Variants in HTR7 observed in about 807,000 individuals in gnomAD.
HTR7 encodes 5-HT-7.
Under a neutral mutation model 34.0 loss-of-function variants are expected in HTR7, and 16 were observed. The ratio of observed to expected loss-of-function variants is 0.47; its 90% CI spans 0.32 to 0.71. HTR7 has a LOEUF of 0.71. Among genes scored for constraint, HTR7 ranks in the 30% least tolerant of loss-of-function variants. The probability of loss-of-function intolerance (pLI) is 0.04; values close to 1 mark genes in which losing one functional copy is unlikely to be tolerated. For missense variants in HTR7, 504 were observed against 625.5 expected (o/e 0.81, Z 2.07); for synonymous variants, 265 against 260.2 (o/e 1.02, Z -0.18).
intron 1 of HTR7, among the ~76,000 whole-genome samples, chr10:90,752,415 C>T (rs1002484414): frequency 4.0e-5 from 6 of 151,818 alleles, no homozygotes; most frequent in South Asian, 4.2e-4. Context: ...TACTTAAATC[C>T]ATGGGGGAAA....
intron 1 of HTR7, among the ~76,000 whole-genome samples, chr10:90,791,919 C>G (rs1044319531): frequency 2.6e-5 from 4 of 152,080 alleles, no homozygotes; most frequent in African/African-American, 9.7e-5. Context: ...ATCTCCAAAT[C>G]TGTTTTCAGT....
intron 1 of HTR7, among the ~76,000 whole-genome samples, chr10:90,754,185 C>T (rs1261798895): frequency 6.6e-6 from 1 of 152,060 alleles, no homozygotes; most frequent in South Asian, 2.1e-4. Context: ...ATAATTAAAT[C>T]TTACATTGTT....
At chr10:90,850,971 T>G (rs1365931819) in intron 1 of HTR7, among the ~76,000 whole-genome samples, 3 of 152,210 alleles carry the variant, frequency 2.0e-5, no homozygotes, top group African/African-American at 4.8e-5. Context: ...TTTGACGAGA[T>G]AACAGCAAAC....
intron 1 of HTR7, among the ~76,000 whole-genome samples, chr10:90,810,210 C>G (rs1017908870): frequency 1.3e-5 from 2 of 152,170 alleles, no homozygotes; most frequent in Admixed American, 6.5e-5. Context: ...ACTAAATTAT[C>G]TGCTTCCCTG....
intron 2 of HTR7, among the ~76,000 whole-genome samples, chr10:90,746,111 C>A (rs1844629422): frequency 6.6e-6 from 1 of 152,164 alleles, no homozygotes; most frequent in East Asian, 1.9e-4. Flanking sequence ...TGGGGGAAAT[C>A]ATTTGACTTC....
At chr10:90,757,908 T>C (rs940541092) in intron 1 of HTR7, among the ~76,000 whole-genome samples, 5 of 152,172 alleles carry the variant, frequency 3.3e-5, no homozygotes, top group Non-Finnish European at 1.5e-5. Context: ...AATAAATATA[T>C]GTGATCACTG....
intron 1 of HTR7, among the ~76,000 whole-genome samples, chr10:90,804,816 A>G (rs1845679384): frequency 6.6e-6 from 1 of 151,512 alleles, no homozygotes; most frequent in Admixed American, 6.6e-5. Context: ...TTATTTATTT[A>G]TTTTTTCTGA....
rs1331753779 is a variant in HTR7, at chr10:90,857,928, G to A, written c.-257C>T. ...TCGGCCCCCGACGGACGCCTGGGACGCGCGGAGTCGAGGGAGCTCGGGCTG... is the reference window on the plus strand; with the variant it reads ...TCGGCCCCCGACGGACGCCTGGGACACGCGGAGTCGAGGGAGCTCGGGCTG... On this transcript the variant is annotated 5_prime_UTR_variant, in exon 1 of 4. Coordinates refer to ENST00000336152, the MANE Select transcript of HTR7 (RefSeq NM_019859.4). The surrounding 1 kb of genome is among the most constrained non-coding windows in gnomAD (Gnocchi z 6.5). 2.0e-5 allele frequency among the ~76,000 whole-genome samples: 3 copies of A among 151,274 alleles called. No homozygotes were observed. The highest frequency in any genetic ancestry group is 4.8e-5 in the African/African-American group (2 of 41,356).
At chr10:90,820,064 A>C (rs1029358400) in intron 1 of HTR7, among the ~76,000 whole-genome samples, 6 of 152,144 alleles carry the variant, frequency 3.9e-5, no homozygotes, top group Non-Finnish European at 5.9e-5. Context: ...AAAGAAAGAA[A>C]TTCTTGCACA....
chr10:90,769,338 C>A (rs1034226957), intron 1 of HTR7, among the ~76,000 whole-genome samples: 9 of 152,196 alleles, frequency 5.9e-5, no homozygotes, highest in African/African-American at 2.2e-4. Flanking sequence ...ATTAAATTTA[C>A]TCTATACTCT....
intron 1 of HTR7, among the ~76,000 whole-genome samples, chr10:90,838,964 T>G (rs1259751859): frequency 6.6e-6 from 1 of 152,218 alleles, no homozygotes; most frequent in Non-Finnish European, 1.5e-5. Context: ...GAATATAAGA[T>G]CCTAGAGAGC....
intron 1 of HTR7, among the ~76,000 whole-genome samples, chr10:90,798,914 A>C (rs1314555492): frequency 6.6e-6 from 1 of 152,168 alleles, no homozygotes; most frequent in Admixed American, 6.5e-5. Context: ...CGAGAACTAG[A>C]CCGCCTTTGT....
chr10:90,810,971 A>C (rs1198363445), intron 1 of HTR7, among the ~76,000 whole-genome samples: 2 of 152,192 alleles, frequency 1.3e-5, no homozygotes, highest in Non-Finnish European at 1.5e-5. Context: ...GACTTTAGAT[A>C]CCTGGTTTTG....
chr10:90,748,836 T>C lies in HTR7; in HGVS notation c.1295+3A>G. The C allele has an allele frequency of 1.9e-6, 3 of 1,608,558 alleles. No individual in the cohort carries two copies. The highest frequency in any genetic ancestry group is 2.5e-6 in the Non-Finnish European group (3 of 1,177,736). On this transcript the variant is annotated splice_donor_region_variant and intron_variant, in intron 2 of 3. Coordinates refer to ENST00000336152, the MANE Select transcript of HTR7 (RefSeq NM_019859.4). ...AAAGGAAAATAGTGATAAATGACCT[T>C]ACAGCACAAACTCAGGTCTCTCTGG...
intron 1 of HTR7, among the ~76,000 whole-genome samples, chr10:90,828,054 A>G (rs1390536048): frequency 2.0e-5 from 3 of 151,408 alleles, no homozygotes; most frequent in African/African-American, 7.3e-5. Flanking sequence ...ATGAATAACA[A>G]GCAAAATCTT....
intron 1 of HTR7, among the ~76,000 whole-genome samples, chr10:90,851,090 G>C (rs184500425): frequency 1.4e-4 from 21 of 152,180 alleles, no homozygotes; most frequent in Middle Eastern, 3.4e-3. Flanking sequence ...GCCAGACCTA[G>C]AGACATCACA....
intron 1 of HTR7, among the ~76,000 whole-genome samples, chr10:90,846,341 T>C (rs1846413084): frequency 6.6e-6 from 1 of 152,222 alleles, no homozygotes; most frequent in Admixed American, 6.5e-5. Flanking sequence ...GATTCTAATC[T>C]TGGAGCATTT....
At chr10:90,773,444 A>T (rs1432669489) in intron 1 of HTR7, among the ~76,000 whole-genome samples, 1 of 146,110 alleles carries the variant, frequency 6.8e-6, no homozygotes, top group East Asian at 2.0e-4. Flanking sequence ...CCTCTCAAGC[A>T]TTTATCTTTT....
intron 1 of HTR7, among the ~76,000 whole-genome samples, chr10:90,800,645 T>C (rs1050299300): frequency 1.3e-5 from 2 of 152,186 alleles, no homozygotes; most frequent in African/African-American, 4.8e-5. Context: ...CTATTCTCTT[T>C]TTCTTCAAAC....
Sources: allele counts gnomAD v4.1 joint callset (sites outside exome capture counted in the v4.1 genomes callset), GRCh38; gene constraint gnomAD v4.1.1; non-coding constraint Gnocchi (gnomAD v3.1); transcripts MANE v1.5; gene names NCBI Gene and HGNC (gene_info 2026-07-23, HGNC 2026-07-21).